The following IGFBPL1 variants were observed in gnomAD, a reference collection of about 807,000 sequenced individuals.
IGFBPL1 encodes the protein insulin-like growth factor-binding protein-like 1.
In IGFBPL1, 20 loss-of-function variants were observed where a neutral mutation model predicts 23.9. That is an observed-to-expected ratio of 0.84 (90% CI 0.59 to 1.22). The LOEUF (loss-of-function observed/expected upper bound fraction) is 1.22, where lower values mean the gene tolerates loss of function less well. IGFBPL1 is among the 50% of genes most tolerant of loss of function. The pLI is 0.00. For synonymous variants in IGFBPL1, 184 were observed against 171.8 expected (o/e 1.07, Z -0.56); for missense variants, 436 against 379.3 (o/e 1.15, Z -1.24).
Position 38,408,480 on chromosome 9 carries a change from C to G in IGFBPL1, c.*747G>C, listed in dbSNP as rs1242997019. Among the ~76,000 whole-genome samples, 1 of 152,116 alleles carries G rather than the reference C, an allele frequency of 6.6e-6. No individual in the cohort carries two copies. The highest frequency in any genetic ancestry group is 2.4e-5 in the African/African-American group (1 of 41,418). On this transcript the variant is annotated 3_prime_UTR_variant, in exon 5 of 5. Coordinates refer to ENST00000377694, the MANE Select transcript of IGFBPL1 (RefSeq NM_001007563.3). ...TAGGCTAACAAATGGATGCTCTGGT[C>G]TCCAAAGACCCAGCCAAGGCGCTCC...
At chr9:38,421,412 C>A (rs912466701) in intron 1 of IGFBPL1, among the ~76,000 whole-genome samples, 2 of 151,752 alleles carry the variant, frequency 1.3e-5, no homozygotes, top group Non-Finnish European at 2.9e-5. Flanking sequence ...TGGGGCATTT[C>A]AGGGCATAGG....
chr9:38,413,081 C>T (rs1821536306), intron 3 of IGFBPL1, among the ~76,000 whole-genome samples, 156 bp downstream of exon 3: 1 of 152,214 alleles, frequency 6.6e-6, no homozygotes, highest in African/African-American at 2.4e-5. Flanking sequence ...CGTATGTTCC[C>T]AGCAGATCTG....
Position 38,406,780 on chromosome 9 carries a change from G to C in IGFBPL1, c.*2447C>G, listed in dbSNP as rs1191342413. Among the ~76,000 whole-genome samples, 1 of 93,858 alleles carries C rather than the reference G, an allele frequency of 1.1e-5. No homozygotes were observed. The highest frequency in any genetic ancestry group is 3.8e-5 in the African/African-American group (1 of 26,018). 61.6% of individuals were successfully genotyped at this position (93,858 alleles called of 152,430 possible). A position where few individuals can be genotyped will look rare whatever the true frequency, so the allele number is the denominator to read the frequency against. On this transcript the variant is annotated 3_prime_UTR_variant, in exon 5 of 5. Coordinates refer to ENST00000377694, the MANE Select transcript of IGFBPL1 (RefSeq NM_001007563.3). ...TTGGTTTTGGTGAAAATTTCAGACA[G>C]TGTGACATTAATTATTTGTCTTTGC...
Position 38,407,616 on chromosome 9 carries a change from C to A in IGFBPL1, c.*1611G>T, listed in dbSNP as rs749635235. Among the ~76,000 whole-genome samples, 2 of 152,212 alleles carry A rather than the reference C, an allele frequency of 1.3e-5. No individual in the cohort carries two copies. Among genetic ancestry groups the A allele is most frequent in the Non-Finnish European group, 2.9e-5 (2 of 68,038 alleles). ...CCTGAAGCCTGTGGATTGGCAACATCTGCCTTTACATAGTTTTGAGATGAC... is the reference window on the plus strand; with the variant it reads ...CCTGAAGCCTGTGGATTGGCAACATATGCCTTTACATAGTTTTGAGATGAC... On this transcript the variant is annotated 3_prime_UTR_variant, in exon 5 of 5. Transcript: ENST00000377694.
chr9:38,423,287 A>G (rs1237090222), intron 1 of IGFBPL1, among the ~76,000 whole-genome samples: 6 of 152,188 alleles, frequency 3.9e-5, no homozygotes, highest in Non-Finnish European at 2.9e-5. Context: ...CTAAGTCCCT[A>G]GCAGTTCTAT....
chr9:38,407,386 C>T lies in IGFBPL1; in HGVS notation c.*1841G>A, dbSNP rs1479772363. Among the ~76,000 whole-genome samples the T allele has an allele frequency of 6.6e-6, 1 of 152,176 alleles. No homozygotes were observed. Among genetic ancestry groups the T allele is most frequent in the Non-Finnish European group, 1.5e-5 (1 of 68,040 alleles). ...ACACAGCGAGCCGGGGATTAATATG[C>T]AAATGGATCTCATGTTTCCAGAATC... is the stretch of plus-strand genomic sequence containing the variant. On this transcript the variant is annotated 3_prime_UTR_variant, in exon 5 of 5. Transcript: ENST00000377694.
intron 1 of IGFBPL1, among the ~76,000 whole-genome samples, chr9:38,417,727 A>G (rs965881055): frequency 2.0e-5 from 3 of 152,222 alleles, no homozygotes; most frequent in Non-Finnish European, 4.4e-5. Flanking sequence ...CAAGATGCCA[A>G]GAGCCCTCCC....
In IGFBPL1 at chr9:38,408,385, G is replaced by A. The variant is rs1821463013; in HGVS notation, c.*842C>T. ...GGAGGTTGCAGTGAGCCATGATCAC[G>A]CCACTGCACTCCAGCCTGGGTGATA... On this transcript the variant is annotated 3_prime_UTR_variant, in exon 5 of 5. Transcript: ENST00000377694. Among the ~76,000 whole-genome samples the A allele has an allele frequency of 6.6e-6, 1 of 151,612 alleles. No individual in the cohort carries two copies. The highest frequency in any genetic ancestry group is 6.6e-5 in the Admixed American group (1 of 15,210).
At chr9:38,411,292 A>T in intron 4 of IGFBPL1, 99 bp downstream of exon 4, 1 of 1,041,334 alleles carries the variant, frequency 9.6e-7, no homozygotes, top group African/African-American at 1.6e-5. Context: ...GGTTTCCTCC[A>T]TTTACGTATT....
At chr9:38,411,607 T>C (rs1821514607) in intron 3 of IGFBPL1, 58 bp from the exon 4 acceptor site, 1 of 1,433,034 alleles carries the variant, frequency 7.0e-7, no homozygotes, top group East Asian at 2.3e-5. Flanking sequence ...AATGACTTCC[T>C]TAGTTAGTTC....
At position 38,411,545 on chromosome 9, in the gene IGFBPL1, T is replaced by C; in HGVS notation, c.692A>G (p.Asn231Ser). The C allele has an allele frequency of 1.2e-6, 2 of 1,613,556 alleles. No individual in the cohort carries two copies. Among genetic ancestry groups the C allele is most frequent in the Non-Finnish European group, 1.7e-6 (2 of 1,179,814 alleles). The change falls in exon 4 of 5, where the codon AAC becomes AGC. Residue 231 changes from asparagine to serine, a missense_variant. Asn to Ser is a conservative substitution (Grantham distance 46). Transcript: ENST00000377694. ...ACCCTCATCCTCCTTTCGCAGGGGG[T>C]TGATCTAGAAATACAACAGGCAAGT... The part of the protein sequence containing the change: ...DHEATAWILI[N>S]PLRKEDEGVY...
chr9:38,414,083 G>C lies in IGFBPL1; in HGVS notation c.570+11C>G, dbSNP rs756156787. The C allele has an allele frequency of 2.8e-6, 4 of 1,435,744 alleles. No homozygotes were observed. The South Asian group carries it at 4.6e-5, about 16-fold the overall frequency. 88.9% of individuals were successfully genotyped at this position (1,435,744 alleles called of 1,614,324 possible). A position where few individuals can be genotyped will look rare whatever the true frequency, so the allele number is the denominator to read the frequency against. On this transcript the variant is annotated intron_variant, in intron 2 of 4. Transcript: ENST00000377694. The stretch of plus-strand genomic sequence containing the variant: ...CACACACGAGATGCATGAGTTCTTG[G>C]ACAGAAATACCTTTCTCCACGTGAT...
chr9:38,423,345 A>T (rs1821708169), intron 1 of IGFBPL1, among the ~76,000 whole-genome samples: 2 of 152,178 alleles, frequency 1.3e-5, no homozygotes, highest in African/African-American at 4.8e-5. Context: ...TTTTAGAAGC[A>T]CGAAACCTGA....
chr9:38,412,598 G>A (rs544602479), intron 3 of IGFBPL1, among the ~76,000 whole-genome samples: 3 of 152,290 alleles, frequency 2.0e-5, no homozygotes, highest in South Asian at 2.1e-4. Flanking sequence ...GTAACAAATC[G>A]CCACAAGCTG....
rs76528020 is a variant in IGFBPL1, at chr9:38,418,638, A to G, written c.461-4435T>C. ...GGGCTTTCCTTTCTGCCTGCCTTTC[A>G]CAAGAATGATGTGGCTTGCAGGAGG... On this transcript the variant is annotated intron_variant, in intron 1 of 4. Transcript: ENST00000377694. Among the ~76,000 whole-genome samples the G allele has an allele frequency of 7.6e-3, 1,160 of 152,286 alleles. 16 individuals carry two copies. Among genetic ancestry groups the G allele is most frequent in the African/African-American group, 0.027 (1,110 of 41,546 alleles).
intron 1 of IGFBPL1, among the ~76,000 whole-genome samples, chr9:38,415,512 G>C (rs1357186038): frequency 1.3e-5 from 2 of 152,152 alleles, no homozygotes. Context: ...GACAGACTGG[G>C]AAGCAGACCC....
chr9:38,419,573 G>A lies in IGFBPL1; in HGVS notation c.460+4392C>T, dbSNP rs569510900. Among the ~76,000 whole-genome samples, 18 of 152,190 alleles carry A rather than the reference G, an allele frequency of 1.2e-4. No individual in the cohort carries two copies. The East Asian group carries it at 2.1e-3, about 18-fold the overall frequency. ...AGCTGCCAGGGCTCAATGCCCTGGC[G>A]GGTGCTGGCCGGGACCCTGTTCCTA... On this transcript the variant is annotated intron_variant, in intron 1 of 4. Coordinates refer to ENST00000377694, the MANE Select transcript of IGFBPL1 (RefSeq NM_001007563.3).
rs146870340 is a variant in IGFBPL1 at position 38,423,686 on chromosome 9, A to G, written c.460+279T>C. ...ACTCCCAGTCTCCTGCTGGGCAAAC[A>G]TACCATGCCTACAAATAAGTGACTG... On this transcript the variant is annotated intron_variant, in intron 1 of 4. Coordinates refer to ENST00000377694, the MANE Select transcript of IGFBPL1 (RefSeq NM_001007563.3). 7.2e-5 allele frequency among the ~76,000 whole-genome samples: 11 copies of G among 152,226 alleles called. No homozygotes were observed. The East Asian group carries it at 1.9e-3, about 27-fold the overall frequency.
chr9:38,414,448 C>T (rs191514872), intron 1 of IGFBPL1, among the ~76,000 whole-genome samples: 66 of 152,254 alleles, frequency 4.3e-4, no homozygotes, highest in African/African-American at 1.5e-3. Context: ...GGGCAACTTC[C>T]CAAATTCCCC....
Sources: gnomAD v4.1 joint callset for allele counts (sites outside exome capture counted in the v4.1 genomes callset) on GRCh38, gnomAD v4.1.1 for gene constraint, MANE v1.5 for transcripts, NCBI Gene and HGNC (gene_info 2026-07-23, HGNC 2026-07-21) for gene names.